WDR70: variants seen among roughly 807,000 people sequenced by gnomAD.
The protein encoded by WDR70 is WD repeat domain 70.
In WDR70, 53 loss-of-function variants were observed where a neutral mutation model predicts 88.6. The ratio of observed to expected loss-of-function variants is 0.60; its 90% CI spans 0.48 to 0.75. The LOEUF (loss-of-function observed/expected upper bound fraction) is 0.75, where lower values mean the gene tolerates loss of function less well. Ranked by LOEUF, WDR70 falls within the 30% of genes least tolerant of loss-of-function variation. The pLI, the probability that WDR70 is intolerant of heterozygous loss-of-function variation, is 0.00. For missense variants in WDR70, 610 were observed against 823.2 expected (o/e 0.74, Z 3.17); for synonymous variants, 280 against 270.0 (o/e 1.04, Z -0.36).
At chr5:37,584,543 C>G (rs1189552375) in intron 9 of WDR70, among the ~76,000 whole-genome samples, 1 of 152,136 alleles carries the variant, frequency 6.6e-6, no homozygotes, top group African/African-American at 2.4e-5. Context: ...CTGAATCACT[C>G]TTTGGCATAT....
chr5:37,441,521 T>C (rs1750652553), intron 6 of WDR70, among the ~76,000 whole-genome samples: 2 of 152,154 alleles, frequency 1.3e-5, no homozygotes, highest in Non-Finnish European at 2.9e-5. Flanking sequence ...ACTTCCTTTA[T>C]GTAAAACGTT....
At chr5:37,417,888 T>G (rs1749811028) in intron 5 of WDR70, among the ~76,000 whole-genome samples, 1 of 152,184 alleles carries the variant, frequency 6.6e-6, no homozygotes, top group Non-Finnish European at 1.5e-5. Context: ...TAAACTCTGG[T>G]AAACATCTGT....
At chr5:37,631,998 A>G (rs1190746833) in intron 10 of WDR70, among the ~76,000 whole-genome samples, 1 of 152,172 alleles carries the variant, frequency 6.6e-6, no homozygotes, top group Non-Finnish European at 1.5e-5. Context: ...AAGGATCAAA[A>G]CGGAATACAA....
intron 10 of WDR70, among the ~76,000 whole-genome samples, chr5:37,693,297 A>G (rs1746867154): frequency 1.3e-5 from 2 of 152,364 alleles, no homozygotes; most frequent in African/African-American, 4.8e-5. Context: ...AAGGTAATTT[A>G]TAGATTCAAT....
intron 9 of WDR70, among the ~76,000 whole-genome samples, chr5:37,564,173 G>A (rs1411851902): frequency 2.6e-5 from 4 of 151,500 alleles, no homozygotes; most frequent in African/African-American, 9.6e-5. Flanking sequence ...GCCAAGGCAG[G>A]CAGCTGGGAG....
At chr5:37,524,809 A>C (rs188262762) in intron 9 of WDR70, among the ~76,000 whole-genome samples, 344 of 152,302 alleles carry the variant, frequency 2.3e-3, no homozygotes, top group Middle Eastern at 6.8e-3. Context: ...AATGGAAAAC[A>C]AAAAGGTAGG....
intron 17 of WDR70, among the ~76,000 whole-genome samples, chr5:37,744,169 A>C (rs955333348): frequency 2.0e-5 from 3 of 152,186 alleles, no homozygotes; most frequent in African/African-American, 7.2e-5. Context: ...AAACTGCAGC[A>C]GCTCTAGAGA....
At chr5:37,605,727 G>C (rs889190672) in intron 10 of WDR70, among the ~76,000 whole-genome samples, 3 of 152,042 alleles carry the variant, frequency 2.0e-5, no homozygotes, top group Admixed American at 1.3e-4. Flanking sequence ...ATAGGTTTCA[G>C]GTTTTTTCTT....
intron 13 of WDR70, among the ~76,000 whole-genome samples, chr5:37,708,330 A>G (rs1215362447): frequency 1.3e-5 from 2 of 151,730 alleles, no homozygotes; most frequent in African/African-American, 4.8e-5. Flanking sequence ...ACAGTTTGAG[A>G]AAGTATATAT....
At chr5:37,733,597 G>C (rs577785339) in intron 17 of WDR70, among the ~76,000 whole-genome samples, 2 of 152,034 alleles carry the variant, frequency 1.3e-5, no homozygotes, top group African/African-American at 4.8e-5. Context: ...GGCTCTGCAA[G>C]TATCAATACC....
At chr5:37,743,580 G>A (rs1281354492) in intron 17 of WDR70, among the ~76,000 whole-genome samples, 3 of 152,214 alleles carry the variant, frequency 2.0e-5, no homozygotes, top group African/African-American at 7.2e-5. Flanking sequence ...TTTTTCCCCT[G>A]CTGGAGCCAG....
intron 10 of WDR70, among the ~76,000 whole-genome samples, chr5:37,654,072 T>A (rs1241080374): frequency 6.6e-6 from 1 of 152,208 alleles, no homozygotes; most frequent in Non-Finnish European, 1.5e-5. Flanking sequence ...CTTTCTCTTG[T>A]GGGCATTTAG....
chr5:37,537,047 C>T (rs1741688324), intron 9 of WDR70, among the ~76,000 whole-genome samples: 1 of 152,106 alleles, frequency 6.6e-6, no homozygotes, highest in Admixed American at 6.5e-5. Context: ...CTAAGGTCAT[C>T]TAACAATTTG....
At chr5:37,696,212 A>G (rs940408660) in intron 10 of WDR70, among the ~76,000 whole-genome samples, 12 of 152,304 alleles carry the variant, frequency 7.9e-5, no homozygotes, top group Admixed American at 6.5e-5. Flanking sequence ...CGTTGAATCA[A>G]TGAATTCTTT....
intron 5 of WDR70, among the ~76,000 whole-genome samples, chr5:37,423,564 C>CTTTTTTTTTTTTTTT (rs374709152): frequency 8.4e-6 from 1 of 118,424 alleles, no homozygotes; most frequent in Non-Finnish European, 1.7e-5. Flanking sequence ...TTTTTTTTGT[C>CTTTTTTTTTTTTTTT]TTTTTTTTTT....
chr5:37,513,873 G>A (rs1740797664), intron 8 of WDR70, among the ~76,000 whole-genome samples: 1 of 151,878 alleles, frequency 6.6e-6, no homozygotes, highest in Non-Finnish European at 1.5e-5. Context: ...ATCTCCTTTG[G>A]CAACACCCCC....
At chr5:37,740,199 A>G (rs1748432473) in intron 17 of WDR70, among the ~76,000 whole-genome samples, 1 of 152,224 alleles carries the variant, frequency 6.6e-6, no homozygotes, top group Non-Finnish European at 1.5e-5. Flanking sequence ...AGGTTGCCTA[A>G]TCATCTGTTC....
chr5:37,483,780 C>T (rs947549343), intron 8 of WDR70, among the ~76,000 whole-genome samples: 1 of 150,608 alleles, frequency 6.6e-6, no homozygotes, highest in African/African-American at 2.4e-5. Context: ...GGGCTGACCC[C>T]CCACCTCCCT....
At chr5:37,482,527 G>A (rs538511904) in intron 8 of WDR70, among the ~76,000 whole-genome samples, 107 of 152,232 alleles carry the variant, frequency 7.0e-4, no homozygotes, top group Non-Finnish European at 1.3e-3. Context: ...GGGGGGAACC[G>A]TCCCCATGAT....
Sources: allele counts gnomAD v4.1 joint callset (sites outside exome capture counted in the v4.1 genomes callset), GRCh38; gene constraint gnomAD v4.1.1; transcripts MANE v1.5; gene names NCBI Gene and HGNC (gene_info 2026-07-23, HGNC 2026-07-21).